Variants in SYN2 observed in about 807,000 individuals in gnomAD.
SYN2 encodes the protein synapsin-2.
Under a neutral mutation model 50.9 loss-of-function variants are expected in SYN2, and 19 were observed. That is an observed-to-expected ratio of 0.37 (90% CI 0.26 to 0.55). SYN2 has a LOEUF of 0.55. Among genes scored for constraint, SYN2 ranks in the 20% least tolerant of loss-of-function variants. SYN2 has a pLI of 0.81. For synonymous variants in SYN2, 255 were observed against 224.9 expected (o/e 1.13, Z -1.20); for missense variants, 587 against 576.4 (o/e 1.02, Z -0.19).
chr3:12,012,548 C>G (rs1016500214), intron 1 of SYN2, among the ~76,000 whole-genome samples: 1 of 152,208 alleles, frequency 6.6e-6, no homozygotes, highest in Non-Finnish European at 1.5e-5. Context: ...ACTCATTTCT[C>G]ACTGTCCCCT....
chr3:12,157,654 G>GCAGT (rs1219281332), intron 5 of SYN2, among the ~76,000 whole-genome samples: 1 of 152,116 alleles, frequency 6.6e-6, no homozygotes, highest in Non-Finnish European at 1.5e-5. Context: ...CACCTCCCCT[G>GCAGT]CAGTCACTGG....
intron 7 of SYN2, among the ~76,000 whole-genome samples, chr3:12,166,253 CAGTGTAAGCAGGACTCTTCTGTCCCCT>C (rs1697791573): frequency 6.6e-6 from 1 of 152,242 alleles, no homozygotes; most frequent in South Asian, 2.1e-4. Flanking sequence ...GCTCTGTCGA[CAGTGTAAGCAGGACTCTTCTGTCCCCT>C]AGGCTATCTC....
At chr3:12,034,879 C>T (rs11918346) in intron 1 of SYN2, among the ~76,000 whole-genome samples, 7,465 of 152,174 alleles carry the variant, frequency 0.049, 624 homozygotes, top group African/African-American at 0.17. Flanking sequence ...TATTCAGTGC[C>T]GATGGCCTTC....
chr3:12,169,693 A>G, intron 9 of SYN2, 64 bp from the exon 10 acceptor site: 1 of 1,579,792 alleles, frequency 6.3e-7, no homozygotes, highest in Non-Finnish European at 8.6e-7. Flanking sequence ...CCATTCTGAA[A>G]GATTGTACCA....
At position 12,004,620 on chromosome 3, in the gene SYN2, G is replaced by A; in HGVS notation, c.69G>A (p.Met23Ile). 1.6e-6 allele frequency: 1 copy of A among 613,006 alleles called. No homozygotes were observed. 38.0% of individuals were successfully genotyped at this position (613,006 alleles called of 1,614,324 possible). Residue 23 changes from methionine (M) to isoleucine (I), a missense_variant, in exon 1 of 13, where the codon ATG becomes ATA. Coordinates refer to ENST00000621198, the MANE Select transcript of SYN2 (RefSeq NM_133625.6). ...SFIANLPNGY[M>I]TDLQRPEPQQ... ...TCGCCAACCTGCCCAACGGCTACATGACCGACCTGCAGCGGCCCGAGCCCC... is the reference window on the plus strand; with the variant it reads ...TCGCCAACCTGCCCAACGGCTACATAACCGACCTGCAGCGGCCCGAGCCCC...
At chr3:12,152,385 G>A (rs1697323651) in intron 5 of SYN2, among the ~76,000 whole-genome samples, 1 of 152,198 alleles carries the variant, frequency 6.6e-6, no homozygotes, top group African/African-American at 2.4e-5. Flanking sequence ...AAGCCTTGCA[G>A]AGGCTGAGGA....
chr3:12,009,488 C>T (rs1693872473), intron 1 of SYN2, among the ~76,000 whole-genome samples: 1 of 152,210 alleles, frequency 6.6e-6, no homozygotes, highest in African/African-American at 2.4e-5. Flanking sequence ...CCTGAATCAT[C>T]ATCTAGCCTA....
intron 1 of SYN2, among the ~76,000 whole-genome samples, chr3:12,065,885 C>T (rs568747604): frequency 5.3e-5 from 8 of 152,094 alleles, no homozygotes; most frequent in African/African-American, 1.9e-4. Flanking sequence ...AAGCCAGTAA[C>T]AAGAGACCAC....
intron 1 of SYN2, among the ~76,000 whole-genome samples, chr3:12,007,449 T>G (rs989482719): frequency 4.6e-5 from 7 of 152,184 alleles, no homozygotes; most frequent in Admixed American, 3.3e-4. Context: ...TATTGAAAAG[T>G]CTCTATGAGT....
chr3:12,085,152 C>G (rs1695666970), intron 1 of SYN2, among the ~76,000 whole-genome samples: 1 of 151,066 alleles, frequency 6.6e-6, no homozygotes, highest in African/African-American at 2.4e-5. Context: ...ACTCACTTCA[C>G]TGTTAAGGAC....
chr3:12,168,326 T>G, intron 8 of SYN2, 50 bp from the exon 9 acceptor site: 2 of 1,506,726 alleles, frequency 1.3e-6, no homozygotes, highest in Non-Finnish European at 1.8e-6. Context: ...AAGCAAGCTT[T>G]GTGGTGAGCG....
chr3:12,179,990 C>T (rs1036924856), intron 10 of SYN2, among the ~76,000 whole-genome samples: 12 of 152,148 alleles, frequency 7.9e-5, no homozygotes, highest in Non-Finnish European at 1.8e-4. Flanking sequence ...ACTCTGTTGC[C>T]TAGGCTGGAA....
chr3:12,069,067 A>T (rs1037121475), intron 1 of SYN2, among the ~76,000 whole-genome samples: 7 of 152,186 alleles, frequency 4.6e-5, no homozygotes, highest in Non-Finnish European at 8.8e-5. Context: ...AATGTTTTCA[A>T]GGTCCATCCA....
At chr3:12,131,989 T>TTTTTCTTTTTCTTTTTTTTCC (rs1397790515) in intron 1 of SYN2, among the ~76,000 whole-genome samples, 1 of 148,658 alleles carries the variant, frequency 6.7e-6, no homozygotes, top group Non-Finnish European at 1.5e-5. Flanking sequence ...GATTTTTTTC[T>TTTTTCTTTTTCTTTTTTTTCC]TTTTCTTTTT....
At chr3:12,060,514 A>C (rs1695091836) in intron 1 of SYN2, among the ~76,000 whole-genome samples, 1 of 152,154 alleles carries the variant, frequency 6.6e-6, no homozygotes, top group African/African-American at 2.4e-5. Context: ...TGAATGACTG[A>C]GATTTAATCG....
chr3:12,072,870 A>C (rs1477721159), intron 1 of SYN2, among the ~76,000 whole-genome samples: 1 of 152,134 alleles, frequency 6.6e-6, no homozygotes, highest in African/African-American at 2.4e-5. Context: ...CATAGTGTCT[A>C]TTAAAATATG....
chr3:12,094,003 C>T (rs538020502), intron 1 of SYN2, among the ~76,000 whole-genome samples: 1 of 152,114 alleles, frequency 6.6e-6, no homozygotes, highest in East Asian at 1.9e-4. Context: ...ACTACAGGCA[C>T]ATGCCACCAC....
At chr3:12,166,418 A>G (rs1045392365) in intron 7 of SYN2, among the ~76,000 whole-genome samples, 1 of 152,244 alleles carries the variant, frequency 6.6e-6, no homozygotes, top group Admixed American at 6.5e-5. Context: ...ACAGGCTCAG[A>G]GGGGTGAAAT....
intron 10 of SYN2, among the ~76,000 whole-genome samples, chr3:12,170,367 G>C (rs1697911835): frequency 6.6e-6 from 1 of 152,188 alleles, no homozygotes; most frequent in African/African-American, 2.4e-5. Flanking sequence ...GGAGAGTCAG[G>C]TCCCTCATTC....
Sources: allele counts gnomAD v4.1 joint callset (sites outside exome capture counted in the v4.1 genomes callset), GRCh38; gene constraint gnomAD v4.1.1; transcripts MANE v1.5; gene names NCBI Gene and HGNC (gene_info 2026-07-23, HGNC 2026-07-21).